The following QRSL1 variants were observed in gnomAD, a reference collection of about 807,000 sequenced individuals.
QRSL1 encodes glutamyl-tRNA(Gln) amidotransferase subunit A, mitochondrial.
A neutral mutation model predicts 61.6 loss-of-function variants in QRSL1; 54 were observed. The observed-to-expected ratio is 0.88, with a 90% confidence interval of 0.70 to 1.10. The LOEUF (loss-of-function observed/expected upper bound fraction) is 1.10. Among genes scored for constraint, QRSL1 ranks in the 50% least tolerant of loss-of-function variants. The pLI, the probability that QRSL1 is intolerant of heterozygous loss-of-function variation, is 0.00. For missense variants in QRSL1, 505 were observed against 622.6 expected (o/e 0.81, Z 2.01); for synonymous variants, 228 against 225.7 (o/e 1.01, Z -0.09).
At position 106,667,889 on chromosome 6, in the gene QRSL1, CA is replaced by C. The variant is rs1401217459; in HGVS notation, c.*1890del. 4 of 151,544 alleles carry C rather than the reference CA, an allele frequency of 2.6e-5. No homozygotes were observed. Among genetic ancestry groups the C allele is most frequent in the Non-Finnish European group, 5.9e-5 (4 of 67,926 alleles). 9.4% of individuals were successfully genotyped at this position (151,544 alleles called of 1,614,324 possible). Reference sequence around the variant, plus strand: ...GAGGAAACCATTTTAGTTGAAGGAGCAAATATGATGTCAAAAGCAAGTAAAT... The same window carrying C: ...GAGGAAACCATTTTAGTTGAAGGAGCAATATGATGTCAAAAGCAAGTAAAT... On this transcript the variant is annotated 3_prime_UTR_variant, in exon 11 of 11. Transcript: ENST00000369046.
intron 9 of QRSL1, among the ~76,000 whole-genome samples, chr6:106,657,845 C>T (rs1304409908): frequency 6.6e-6 from 1 of 152,080 alleles, no homozygotes; most frequent in Non-Finnish European, 1.5e-5. Context: ...GCTGGGACTA[C>T]AGGCACACGC....
chr6:106,638,184 TCTAA>T (rs2114700356), intron 1 of QRSL1, among the ~76,000 whole-genome samples: 1 of 152,350 alleles, frequency 6.6e-6, no homozygotes, highest in South Asian at 2.1e-4. Context: ...TTTTGTTAGT[TCTAA>T]CTCTCTTCCA....
Position 106,655,651 on chromosome 6 carries a change from T to C in QRSL1, c.1079T>C (p.Met360Thr), listed in dbSNP as rs1265036443. 3.7e-6 allele frequency: 6 copies of C among 1,613,126 alleles called. No homozygotes were observed. The East Asian group carries it at 8.9e-5, about 24-fold the overall frequency. The stretch of plus-strand genomic sequence containing the variant: ...GACATTGATGTGTCCACTGAAGCCA[T>C]GTATGCTGCAACCAGACGAGAAGGG... The part of the protein sequence containing the change: ...RCDIDVSTEA[M>T]YAATRREGFN... Residue 360 changes from methionine to threonine, a missense_variant, in exon 9 of 11, where the codon ATG becomes ACG. By Grantham distance (81) the Met-to-Thr change is moderately conservative. Coordinates refer to ENST00000369046, the MANE Select transcript of QRSL1 (RefSeq NM_018292.5).
At chr6:106,652,707 G>A (rs893815897) in intron 7 of QRSL1, 125 bp downstream of exon 7, 2 of 1,552,944 alleles carry the variant, frequency 1.3e-6, no homozygotes, top group Non-Finnish European at 1.7e-6. Context: ...TGTGAGTTGA[G>A]TATGTGACTT....
intron 4 of QRSL1, among the ~76,000 whole-genome samples, chr6:106,643,873 A>G (rs1029155340): frequency 3.4e-5 from 5 of 146,580 alleles, no homozygotes; most frequent in Admixed American, 3.4e-4. Context: ...TCTTCTTTTC[A>G]TTCTTTTTTT....
At chr6:106,635,873 A>C (rs1485393693) in intron 1 of QRSL1, among the ~76,000 whole-genome samples, 1 of 151,540 alleles carries the variant, frequency 6.6e-6, no homozygotes, top group Admixed American at 6.6e-5. Context: ...TCCATTTCAA[A>C]AAAAAAAAAA....
At chr6:106,642,405 T>TA in intron 3 of QRSL1, 1 of 506,810 alleles carries the variant, frequency 2.0e-6, no homozygotes, top group Non-Finnish European at 3.6e-6. Context: ...TTGTTTCCTA[T>TA]AAAAAGGTAA....
chr6:106,643,686 A>G (rs895320483), intron 4 of QRSL1, among the ~76,000 whole-genome samples: 59 of 152,094 alleles, frequency 3.9e-4, no homozygotes, highest in Non-Finnish European at 5.9e-5. Flanking sequence ...GTCTCAAAAA[A>G]AAAAAAAAAG....
chr6:106,640,700 C>T, intron 2 of QRSL1, 123 bp from the exon 3 acceptor site: 1 of 1,034,082 alleles, frequency 9.7e-7, no homozygotes, highest in African/African-American at 1.6e-5. Context: ...TAATTTCTGC[C>T]ATAAATTTGT....
Position 106,663,057 on chromosome 6 carries a change from C to G in QRSL1, c.1238C>G (p.Ser413Cys). ...IANDFVNAFNSGVDVLLTPTT... is the reference protein window; with the variant it reads ...IANDFVNAFNCGVDVLLTPTT... Reference sequence around the variant, plus strand: ...AATGACTTTGTAAATGCTTTTAACTCTGGAGTAGATGTCTTGCTAACTCCC... The same window carrying G: ...AATGACTTTGTAAATGCTTTTAACTGTGGAGTAGATGTCTTGCTAACTCCC... The change falls in exon 10 of 11, where the codon TCT (serine) becomes TGT (cysteine). Residue 413 changes from serine (S) to cysteine (C), a missense_variant. By Grantham distance (112) the Ser-to-Cys change is moderately radical. Coordinates refer to ENST00000369046, the MANE Select transcript of QRSL1 (RefSeq NM_018292.5). The G allele has an allele frequency of 6.2e-7, 1 of 1,612,744 alleles. No individual in the cohort carries two copies. The highest frequency in any genetic ancestry group is 8.5e-7 in the Non-Finnish European group (1 of 1,178,724).
rs1264333494 is a variant in QRSL1 at position 106,666,886 on chromosome 6, C to T, written c.*884C>T. 6.6e-6 allele frequency: 1 copy of T among 152,140 alleles called. No individual in the cohort carries two copies. The highest frequency in any genetic ancestry group is 1.5e-5 in the Non-Finnish European group (1 of 68,030). 9.4% of individuals were successfully genotyped at this position (152,140 alleles called of 1,614,324 possible). A position where few individuals can be genotyped will look rare whatever the true frequency, so the allele number is the denominator to read the frequency against. On this transcript the variant is annotated 3_prime_UTR_variant, in exon 11 of 11. Transcript: ENST00000369046. ...GGGTATGCCTCTCTGGGGAGGAGCT[C>T]CACTTGCAGGGACTCCTTTTATTTC...
intron 7 of QRSL1, among the ~76,000 whole-genome samples, chr6:106,654,040 TGA>T (rs1318423382): frequency 8.5e-5 from 13 of 152,084 alleles, no homozygotes; most frequent in African/African-American, 3.1e-4. Flanking sequence ...AAGCATGAGA[TGA>T]GAGAGAATCT....
At chr6:106,643,131 G>A in intron 4 of QRSL1, 41 bp downstream of exon 4, 1 of 1,372,610 alleles carries the variant, frequency 7.3e-7, no homozygotes, top group Non-Finnish European at 1.0e-6. Context: ...TCTTCTGTCT[G>A]TGCCTTTATT....
chr6:106,652,372 G>C lies in QRSL1; in HGVS notation c.721G>C (p.Ala241Pro). The C allele has an allele frequency of 6.2e-7, 1 of 1,614,120 alleles. No individual in the cohort carries two copies. The highest frequency in any genetic ancestry group is 8.5e-7 in the Non-Finnish European group (1 of 1,180,010). ...GILTRCVDDAAIVLGALAGPD... is the reference protein window; with the variant it reads ...GILTRCVDDAPIVLGALAGPD... ...CTTAACCAGATGTGTGGATGATGCAGCAATTGTGTTGGGTATTTATATAAT... is the reference window on the plus strand; with the variant it reads ...CTTAACCAGATGTGTGGATGATGCACCAATTGTGTTGGGTATTTATATAAT... The change falls in exon 6 of 11, where the codon GCA (alanine) becomes CCA (proline). Residue 241 changes from alanine to proline, a missense_variant. Coordinates refer to ENST00000369046, the MANE Select transcript of QRSL1 (RefSeq NM_018292.5).
chr6:106,664,939 A>G (rs555846435), intron 10 of QRSL1, among the ~76,000 whole-genome samples: 10 of 152,226 alleles, frequency 6.6e-5, no homozygotes, highest in Non-Finnish European at 1.3e-4. Context: ...AGAGAATTAC[A>G]AAATTCTGGC....
chr6:106,662,143 C>T (rs987797780), intron 9 of QRSL1, among the ~76,000 whole-genome samples: 1 of 152,126 alleles, frequency 6.6e-6, no homozygotes, highest in African/African-American at 2.4e-5. Flanking sequence ...GTAAAATAAG[C>T]ATTCTTGAAT....
At chr6:106,664,750 T>C (rs1294393481) in intron 10 of QRSL1, among the ~76,000 whole-genome samples, 1 of 152,228 alleles carries the variant, frequency 6.6e-6, no homozygotes, top group Non-Finnish European at 1.5e-5. Flanking sequence ...GGAAACCAAG[T>C]TGATCACTTC....
chr6:106,644,908 C>T lies in QRSL1; in HGVS notation c.380+1818C>T, dbSNP rs559528988. On this transcript the variant is annotated intron_variant, in intron 4 of 10. Coordinates refer to ENST00000369046, the MANE Select transcript of QRSL1 (RefSeq NM_018292.5). The stretch of plus-strand genomic sequence containing the variant: ...TTACATTTAGATCTGTTATTCACTT[C>T]GAATTAGATTTTCGTATATAGTATG... Among the ~76,000 whole-genome samples the T allele has an allele frequency of 3.3e-5, 5 of 152,258 alleles. 1 individual carries two copies. Among genetic ancestry groups the T allele is most frequent in the African/African-American group, 9.6e-5 (4 of 41,562 alleles).
chr6:106,636,921 A>T (rs77486702), intron 1 of QRSL1, among the ~76,000 whole-genome samples: 10 of 151,360 alleles, frequency 6.6e-5, no homozygotes, highest in African/African-American at 2.4e-4. Flanking sequence ...TGCATAAAAA[A>T]TTACTATAAA....
Sources: allele counts gnomAD v4.1 joint callset (sites outside exome capture counted in the v4.1 genomes callset), GRCh38; gene constraint gnomAD v4.1.1; transcripts MANE v1.5; gene names NCBI Gene and HGNC (gene_info 2026-07-23, HGNC 2026-07-21).